Variants in GALNT18 observed in about 807,000 individuals in gnomAD.
GALNT18 encodes polypeptide N-acetylgalactosaminyltransferase 18, also known as GalNAc-transferase 18.
A neutral mutation model predicts 69.5 loss-of-function variants in GALNT18; 44 were observed. The ratio of observed to expected loss-of-function variants is 0.63; its 90% CI spans 0.50 to 0.81. The LOEUF is 0.81. Ranked by LOEUF, GALNT18 falls within the 40% of genes least tolerant of loss-of-function variation. GALNT18 has a pLI of 0.00. For missense variants in GALNT18, 715 were observed against 810.0 expected (o/e 0.88, Z 1.42); for synonymous variants, 364 against 318.2 (o/e 1.14, Z -1.53).
chr11:11,286,753 T>G (rs1404384353), intron 10 of GALNT18, among the ~76,000 whole-genome samples: 1 of 152,124 alleles, frequency 6.6e-6, no homozygotes, highest in African/African-American at 2.4e-5. Flanking sequence ...TGTTGGCTGA[T>G]GGAAGAAGAG....
chr11:11,516,254 G>A (rs1372091181), intron 1 of GALNT18, among the ~76,000 whole-genome samples: 7 of 152,158 alleles, frequency 4.6e-5, no homozygotes, highest in African/African-American at 1.7e-4. Context: ...AAAATCAAAG[G>A]AATTTCTCCC....
At chr11:11,451,978 C>T (rs1191452075) in intron 1 of GALNT18, among the ~76,000 whole-genome samples, 1 of 152,194 alleles carries the variant, frequency 6.6e-6, no homozygotes, top group Non-Finnish European at 1.5e-5. Flanking sequence ...GTCACATCCA[C>T]TTGTTAACAT....
At position 11,320,378 on chromosome 11, in the gene GALNT18, C is replaced by A. The variant is rs1437172937; in HGVS notation, c.1512+6708G>T. Reference sequence around the variant, plus strand: ...ATGGCATGTGACAGTTCCATCCGTGCATACACGACCTTCCCAAAGCTCTCC... The same window carrying A: ...ATGGCATGTGACAGTTCCATCCGTGAATACACGACCTTCCCAAAGCTCTCC... On this transcript the variant is annotated intron_variant, in intron 9 of 10. Transcript: ENST00000227756. The surrounding 1 kb of genome is among the most constrained non-coding windows in gnomAD (Gnocchi z 4.9). Among the ~76,000 whole-genome samples the A allele has an allele frequency of 6.6e-6, 1 of 152,212 alleles. No homozygotes were observed. Among genetic ancestry groups the A allele is most frequent in the East Asian group, 1.9e-4 (1 of 5,198 alleles).
At chr11:11,304,932 C>A (rs1361332641) in intron 9 of GALNT18, among the ~76,000 whole-genome samples, 1 of 152,182 alleles carries the variant, frequency 6.6e-6, no homozygotes, top group East Asian at 1.9e-4. Context: ...AACCGAGGAG[C>A]ATGAGTAAGA....
At position 11,296,398 on chromosome 11, in the gene GALNT18, T is replaced by C. The variant is rs193219982; in HGVS notation, c.1513-3205A>G. On this transcript the variant is annotated intron_variant, in intron 9 of 10. Coordinates refer to ENST00000227756, the MANE Select transcript of GALNT18 (RefSeq NM_198516.3). ...TCTCACCAAAAGGTGCACACCTGTT[T>C]ATACCCCTGGGTTGAATGCACTGTG... Among the ~76,000 whole-genome samples, 7 of 152,326 alleles carry C rather than the reference T, an allele frequency of 4.6e-5. No individual in the cohort carries two copies. The East Asian group carries it at 1.3e-3, about 29-fold the overall frequency.
intron 9 of GALNT18, among the ~76,000 whole-genome samples, chr11:11,294,367 G>A (rs1311701659): frequency 1.3e-5 from 2 of 152,150 alleles, no homozygotes; most frequent in South Asian, 2.1e-4. Context: ...AAAATCCCAG[G>A]CTTCCAGAAG....
chr11:11,366,650 A>C (rs953296847), intron 6 of GALNT18, among the ~76,000 whole-genome samples: 3 of 151,890 alleles, frequency 2.0e-5, no homozygotes, highest in Admixed American at 2.0e-4. Context: ...ATTCGAAAAT[A>C]TAGATGAAAG....
At chr11:11,379,362 AGGCTGGGG>A (rs1853854102) in intron 3 of GALNT18, 98 bp from the exon 4 acceptor site, 2 of 1,209,500 alleles carry the variant, frequency 1.7e-6, no homozygotes, top group South Asian at 1.4e-5. Context: ...CCCCAGAGAA[AGGCTGGGG>A]GACCCATTCC....
At position 11,271,175 on chromosome 11, in the gene GALNT18, A is replaced by G. The variant is rs1848818150; in HGVS notation, c.1793T>C (p.Ile598Thr). Residue 598 changes from isoleucine to threonine, a missense_variant, in exon 11 of 11, where the codon ATC becomes ACC. Coordinates refer to ENST00000227756, the MANE Select transcript of GALNT18 (RefSeq NM_198516.3). ...LQKCSGQHWSITNVLRSLAS is the reference protein window; with the variant it reads ...LQKCSGQHWSTTNVLRSLAS ...CGCGAGGCTCCTCAGGACGTTGGTG[A>G]TGCTCCAGTGCTGGCCCGAGCACTT... is the stretch of plus-strand genomic sequence containing the variant. The G allele has an allele frequency of 3.1e-6, 5 of 1,613,700 alleles. No individual in the cohort carries two copies. Among genetic ancestry groups the G allele is most frequent in the African/African-American group, 1.3e-5 (1 of 74,920 alleles).
At chr11:11,328,133 G>A (rs891646736) in intron 8 of GALNT18, among the ~76,000 whole-genome samples, 2 of 152,164 alleles carry the variant, frequency 1.3e-5, no homozygotes, top group African/African-American at 4.8e-5. Flanking sequence ...TGTGATCAAG[G>A]ATATGATGAT....
intron 9 of GALNT18, among the ~76,000 whole-genome samples, chr11:11,322,758 G>C (rs998031689): frequency 6.6e-6 from 1 of 152,186 alleles, no homozygotes; most frequent in African/African-American, 2.4e-5. Flanking sequence ...GGCTCAGGCT[G>C]TCACAAAGTG....
intron 9 of GALNT18, among the ~76,000 whole-genome samples, chr11:11,299,246 GC>G (rs1291848330): frequency 6.6e-6 from 1 of 152,176 alleles, no homozygotes; most frequent in Non-Finnish European, 1.5e-5. Flanking sequence ...CCAGGTTCAA[GC>G]AAGTCTCCTG....
chr11:11,606,872 T>C lies in GALNT18; in HGVS notation c.235+14487A>G, dbSNP rs60005734. ...TCCTCAGGGTAGTCCTCAAGTTGCATTGGGTCTTGGATCCTTCAGCAAACA... is the reference window on the plus strand; with the variant it reads ...TCCTCAGGGTAGTCCTCAAGTTGCACTGGGTCTTGGATCCTTCAGCAAACA... On this transcript the variant is annotated intron_variant, in intron 1 of 10. Transcript: ENST00000227756. This position sits in a 1 kb window ranked among gnomAD's most constrained non-coding sequence, Gnocchi z 5.4. Among the ~76,000 whole-genome samples, 2,062 of 152,298 alleles carry C rather than the reference T, an allele frequency of 0.014. 49 individuals are homozygous for C. The highest frequency in any genetic ancestry group is 0.047 in the African/African-American group (1,966 of 41,554).
Position 11,562,049 on chromosome 11 carries a change from C to T in GALNT18, c.235+59310G>A, listed in dbSNP as rs1432176581. On this transcript the variant is annotated intron_variant, in intron 1 of 10. Coordinates refer to ENST00000227756, the MANE Select transcript of GALNT18 (RefSeq NM_198516.3). This position sits in a 1 kb window ranked among gnomAD's most constrained non-coding sequence, Gnocchi z 4.1. Reference sequence around the variant, plus strand: ...AGCACTCCATAAACCACACTCCTAACCCTTTCTCTTTACTAAAGGTGTGGG... The same window carrying T: ...AGCACTCCATAAACCACACTCCTAATCCTTTCTCTTTACTAAAGGTGTGGG... 6.6e-6 allele frequency among the ~76,000 whole-genome samples: 1 copy of T among 152,258 alleles called. No individual in the cohort carries two copies. The highest frequency in any genetic ancestry group is 1.5e-5 in the Non-Finnish European group (1 of 68,046).
At chr11:11,362,806 A>T (rs1850673035) in intron 6 of GALNT18, among the ~76,000 whole-genome samples, 1 of 152,178 alleles carries the variant, frequency 6.6e-6, no homozygotes. Flanking sequence ...TTACGTATGC[A>T]TTTACCCTTT....
chr11:11,352,753 GC>G, intron 6 of GALNT18: 1 of 1,614,128 alleles, frequency 6.2e-7, no homozygotes, highest in Non-Finnish European at 8.5e-7. Flanking sequence ...TGGTACAATT[GC>G]TTGAAGTCTG....
intron 1 of GALNT18, among the ~76,000 whole-genome samples, chr11:11,450,734 C>T (rs866164644): frequency 6.6e-6 from 1 of 152,212 alleles, no homozygotes; most frequent in Non-Finnish European, 1.5e-5. Flanking sequence ...CTACCACGAG[C>T]CAGGCTCTGT....
chr11:11,293,942 C>T (rs1849352389), intron 9 of GALNT18, among the ~76,000 whole-genome samples: 1 of 151,710 alleles, frequency 6.6e-6, no homozygotes, highest in East Asian at 1.9e-4. Flanking sequence ...TCCATGCACA[C>T]TAAGACTGTG....
intron 9 of GALNT18, among the ~76,000 whole-genome samples, chr11:11,295,398 A>G (rs1339791463): frequency 2.0e-5 from 3 of 152,082 alleles, no homozygotes; most frequent in Non-Finnish European, 2.9e-5. Context: ...AGCAGTTAGT[A>G]CCCCTACGCC....
Sources: allele counts gnomAD v4.1 joint callset (sites outside exome capture counted in the v4.1 genomes callset), GRCh38; gene constraint gnomAD v4.1.1; non-coding constraint Gnocchi (gnomAD v3.1); transcripts MANE v1.5; gene names NCBI Gene and HGNC (gene_info 2026-07-23, HGNC 2026-07-21).